Variants in DAB1 observed in about 807,000 individuals in gnomAD.
DAB1 encodes the protein disabled homolog 1.
A neutral mutation model predicts 64.6 loss-of-function variants in DAB1; 15 were observed. The observed-to-expected ratio is 0.23, with a 90% CI of 0.16 to 0.36. DAB1 has a LOEUF of 0.36. Ranked by LOEUF, DAB1 falls within the 10% of genes least tolerant of loss-of-function variation. The pLI is 1.00. For synonymous variants in DAB1, 235 were observed against 251.9 expected (o/e 0.93, Z 0.64); for missense variants, 596 against 706.7 (o/e 0.84, Z 1.78).
chr1:58,265,968 G>A (rs1198300667), intron 4 of DAB1, among the ~76,000 whole-genome samples: 1 of 151,940 alleles, frequency 6.6e-6, no homozygotes, highest in Non-Finnish European at 1.5e-5. Context: ...TGACACTGGT[G>A]GATGCTTATT....
intron 1 of DAB1, among the ~76,000 whole-genome samples, chr1:57,330,141 A>G (rs1298516518): frequency 3.3e-5 from 5 of 152,224 alleles, no homozygotes; most frequent in African/African-American, 9.6e-5. Context: ...CCTTCACTTA[A>G]GCAACCTGGA....
At chr1:57,345,204 G>A (rs1221227070) in intron 1 of DAB1, among the ~76,000 whole-genome samples, 1 of 152,160 alleles carries the variant, frequency 6.6e-6, no homozygotes, top group Admixed American at 6.5e-5. Context: ...GCTGAACTTG[G>A]GGACCTGCCC....
chr1:58,148,703 G>T (rs950651765), intron 5 of DAB1, among the ~76,000 whole-genome samples: 7 of 152,092 alleles, frequency 4.6e-5, no homozygotes, highest in African/African-American at 7.2e-5. Context: ...CTTGCGCAGG[G>T]GAACTGCCCT....
intron 3 of DAB1, among the ~76,000 whole-genome samples, chr1:58,411,070 G>T (rs575317864): frequency 1.4e-4 from 21 of 152,312 alleles, no homozygotes; most frequent in African/African-American, 5.1e-4. Context: ...CTCTACCACA[G>T]TGATATCCCT....
At chr1:57,415,428 C>T (rs1448696927) in intron 1 of DAB1, among the ~76,000 whole-genome samples, 1 of 152,032 alleles carries the variant, frequency 6.6e-6, no homozygotes, top group Non-Finnish European at 1.5e-5. Context: ...ATAAAAAGTG[C>T]TAACCATAAA....
At chr1:57,782,058 G>A (rs1650127533) in intron 6 of DAB1, among the ~76,000 whole-genome samples, 2 of 152,118 alleles carry the variant, frequency 1.3e-5, no homozygotes, top group African/African-American at 4.8e-5. Context: ...TTACAGATGA[G>A]AAGACAGTCT....
At chr1:57,689,728 C>G (rs1471590833) in intron 6 of DAB1, among the ~76,000 whole-genome samples, 1 of 152,062 alleles carries the variant, frequency 6.6e-6, no homozygotes, top group Non-Finnish European at 1.5e-5. Flanking sequence ...AATTGAGTAC[C>G]CATCCCAACA....
At chr1:58,168,700 G>A (rs1332097354) in intron 4 of DAB1, among the ~76,000 whole-genome samples, 2 of 152,072 alleles carry the variant, frequency 1.3e-5, no homozygotes, top group Non-Finnish European at 2.9e-5. Flanking sequence ...CTAGGATATG[G>A]GGAGCTTCAG....
At chr1:58,481,053 GT>G (rs765400043) in intron 3 of DAB1, 1 of 871,544 alleles carries the variant, frequency 1.1e-6, no homozygotes, top group South Asian at 1.3e-5. Flanking sequence ...CTGTTTCTTC[GT>G]GATATTTAGG....
chr1:57,290,456 T>C (rs1329135401), intron 2 of DAB1, among the ~76,000 whole-genome samples: 2 of 152,072 alleles, frequency 1.3e-5, no homozygotes, highest in Non-Finnish European at 2.9e-5. Flanking sequence ...GCCCTCCCAG[T>C]GATTCGGGTC....
At position 57,699,773 on chromosome 1, in the gene DAB1, C is replaced by T. The variant is rs991079177; in HGVS notation, n.552-50108G>A. ...ACTAAAAATACAAAAATTAGCTCGG[C>T]GTGGTGGTGCGTGCCTGTAGTCCCA... On this transcript the variant is annotated intron_variant and non_coding_transcript_variant, in intron 6 of 20. Transcript: ENST00000485760. Among the ~76,000 whole-genome samples, 9 of 151,880 alleles carry T rather than the reference C, an allele frequency of 5.9e-5. No individual in the cohort carries two copies. In the South Asian group the frequency reaches 6.2e-4, roughly 11 times the overall value.
intron 9 of DAB1, among the ~76,000 whole-genome samples, chr1:57,058,479 CTG>C (rs1650057862): frequency 6.6e-6 from 1 of 152,180 alleles, no homozygotes; most frequent in South Asian, 2.1e-4. Context: ...AGCAGCTACT[CTG>C]TGTCGATGCT....
At chr1:57,620,276 T>A (rs1645840422) in intron 7 of DAB1, among the ~76,000 whole-genome samples, 1 of 151,996 alleles carries the variant, frequency 6.6e-6, no homozygotes, top group African/African-American at 2.4e-5. Flanking sequence ...AGATGATGAG[T>A]TTGGATGTCC....
At chr1:57,965,518 T>A (rs1645643036) in intron 5 of DAB1, among the ~76,000 whole-genome samples, 2 of 152,102 alleles carry the variant, frequency 1.3e-5, no homozygotes, top group South Asian at 4.2e-4. Context: ...TTCTTAAGAA[T>A]TTTTGGTATG....
rs564578049 is a variant in DAB1 at position 57,201,454 on chromosome 1, A to G, written c.68-56025T>C. 2.6e-5 allele frequency among the ~76,000 whole-genome samples: 4 copies of G among 151,836 alleles called. No individual in the cohort carries two copies. The East Asian group carries it at 7.8e-4, about 30-fold the overall frequency. On this transcript the variant is annotated intron_variant, in intron 2 of 14. Coordinates refer to ENST00000371236, the MANE Select transcript of DAB1 (RefSeq NM_001365792.1). Reference sequence around the variant, plus strand: ...AGTTTCTTTATCCCTGCCACTTACCATGCCCACCCTTAACCAATTTATTCC... The same window carrying G: ...AGTTTCTTTATCCCTGCCACTTACCGTGCCCACCCTTAACCAATTTATTCC...
At chr1:57,230,664 A>C (rs1056532086) in intron 2 of DAB1, among the ~76,000 whole-genome samples, 2 of 91,556 alleles carry the variant, frequency 2.2e-5, no homozygotes, top group African/African-American at 5.9e-5. Context: ...TTTTGAGGGT[A>C]CATGTGATAT....
chr1:57,925,077 G>A (rs1294747486), intron 5 of DAB1, among the ~76,000 whole-genome samples: 1 of 152,076 alleles, frequency 6.6e-6, no homozygotes, highest in Non-Finnish European at 1.5e-5. Context: ...ACAGAATAAT[G>A]GGCTCAAAAG....
chr1:57,629,026 T>C (rs1294924004), intron 7 of DAB1, among the ~76,000 whole-genome samples: 1 of 152,234 alleles, frequency 6.6e-6, no homozygotes. Flanking sequence ...AGCATTTTTC[T>C]AGTTTAAAAG....
chr1:57,390,189 C>G (rs990648970), intron 1 of DAB1, among the ~76,000 whole-genome samples: 1 of 152,122 alleles, frequency 6.6e-6, no homozygotes, highest in Non-Finnish European at 1.5e-5. Context: ...AAGACTGTAA[C>G]CTTCTTCCAG....
Sources: allele counts gnomAD v4.1 joint callset (sites outside exome capture counted in the v4.1 genomes callset), GRCh38; gene constraint gnomAD v4.1.1; transcripts MANE v1.5; gene names NCBI Gene and HGNC (gene_info 2026-07-23, HGNC 2026-07-21).